Variants in B4GALNT3 observed in about 807,000 individuals in gnomAD.
B4GALNT3 encodes the protein beta-1,4-N-acetylgalactosaminyltransferase 3.
B4GALNT3 carries 86 observed loss-of-function variants against 120.2 expected under a neutral mutation model. The observed-to-expected ratio is 0.72, with a 90% CI of 0.60 to 0.86. B4GALNT3 has a LOEUF of 0.86. B4GALNT3 is among the 40% of genes least tolerant of loss of function. B4GALNT3 has a pLI of 0.00. For missense variants in B4GALNT3, 1,167 were observed against 1,298.9 expected, an observed-to-expected ratio of 0.90 and a Z score of 1.56; for synonymous variants, 518 against 510.4, an observed-to-expected ratio of 1.01 and a Z score of -0.20.
At position 460,384 on chromosome 12, in the gene B4GALNT3, G is replaced by T; in HGVS notation, c.8G>T (p.Ser3Ile). ...CCGCCTCGGCGCAGCGCCATGGGGA[G>T]CCCCCGGGCCGCGCGGCCCCCGCTG... MG[S>I]PRAARPPLLL... is the part of the protein sequence containing the mutation. The change falls in exon 1 of 20, where the codon AGC becomes ATC. Residue 3 changes from serine to isoleucine, a missense_variant. By Grantham distance (142) the Ser-to-Ile change is moderately radical (BLOSUM62 -2). Coordinates refer to ENST00000266383, the MANE Select transcript of B4GALNT3 (RefSeq NM_173593.4). The surrounding 1 kb of genome is among the most constrained non-coding windows in gnomAD (Gnocchi z 8.0). 1 of 1,447,426 alleles carries T rather than the reference G, an allele frequency of 6.9e-7. No homozygotes were observed. The highest frequency in any genetic ancestry group is 3.0e-5 in the East Asian group (1 of 33,668). The allele number at this position is 1,447,426 out of a possible 1,614,324, so 89.7% of individuals were successfully genotyped here.
At chr12:485,832 A>T (rs950915339) in intron 1 of B4GALNT3, among the ~76,000 whole-genome samples, 2 of 152,212 alleles carry the variant, frequency 1.3e-5, no homozygotes, top group Non-Finnish European at 2.9e-5. Context: ...AGAGCTGAAC[A>T]GACTGGGAAA....
intron 1 of B4GALNT3, among the ~76,000 whole-genome samples, chr12:521,889 C>A (rs1054221539): frequency 6.6e-6 from 1 of 152,080 alleles, no homozygotes; most frequent in African/African-American, 2.4e-5. Flanking sequence ...TGTGTTGGAA[C>A]TGCTGATTTC....
chr12:485,008 G>C (rs7294326), intron 1 of B4GALNT3, among the ~76,000 whole-genome samples: 5 of 151,882 alleles, frequency 3.3e-5, no homozygotes, highest in Non-Finnish European at 7.4e-5. Context: ...TTCTCGCATA[G>C]ACAAAATATA....
At chr12:530,979 GAA>G (rs1341225102) in intron 1 of B4GALNT3, among the ~76,000 whole-genome samples, 1 of 152,180 alleles carries the variant, frequency 6.6e-6, no homozygotes, top group Non-Finnish European at 1.5e-5. Context: ...TGTTGTAGCA[GAA>G]ACAGGCCCTG....
rs377130301 is a variant in B4GALNT3, at chr12:544,939, C to T, written c.505C>T (p.Arg169Cys). 2.4e-5 allele frequency: 39 copies of T among 1,613,988 alleles called. No individual in the cohort carries two copies. Among genetic ancestry groups the T allele is most frequent in the Middle Eastern group, 1.7e-4 (1 of 6,060 alleles). Residue 169 changes from arginine to cysteine, a missense_variant, in exon 5 of 20, where the codon CGC becomes TGC. This residue lies in a region of B4GALNT3 where 983 missense variants were observed against 1,102.5 expected (regional missense o/e 0.89). Coordinates refer to ENST00000266383, the MANE Select transcript of B4GALNT3 (RefSeq NM_173593.4). ...VSPKWTNYGLRIFGYLHPFTD... is the reference protein window; with the variant it reads ...VSPKWTNYGLCIFGYLHPFTD... ...CCCCAAATGGACCAACTATGGCCTC[C>T]GCATCTTTGGCTACCTGCACCCCTT...
At chr12:531,854 G>T (rs920439932) in intron 1 of B4GALNT3, among the ~76,000 whole-genome samples, 16 of 152,108 alleles carry the variant, frequency 1.1e-4, no homozygotes, top group Non-Finnish European at 1.9e-4. Flanking sequence ...CTGTGGGGCA[G>T]GTGTTTTTAT....
At chr12:461,615 A>G (rs905425802) in intron 1 of B4GALNT3, among the ~76,000 whole-genome samples, 2 of 152,104 alleles carry the variant, frequency 1.3e-5, no homozygotes, top group African/African-American at 4.8e-5. Context: ...CTTTGGGGAA[A>G]CTCGGACAGA....
intron 19 of B4GALNT3, among the ~76,000 whole-genome samples, chr12:560,779 T>G (rs1947220573): frequency 6.6e-6 from 1 of 152,170 alleles, no homozygotes; most frequent in Admixed American, 6.5e-5. Flanking sequence ...CCTCGGAGGC[T>G]CAGGCATCCA....
At position 556,801 on chromosome 12, in the gene B4GALNT3, C is replaced by T. The variant is rs781690399; in HGVS notation, c.2315C>T (p.Pro772Leu). The T allele has an allele frequency of 1.9e-6, 3 of 1,613,744 alleles. No homozygotes were observed. The African/African-American group carries it at 4.0e-5, about 22-fold the overall frequency. Reference protein sequence around the residue: ...RQVLNTRAQEPKLCWPQGFSW... With the variant: ...RQVLNTRAQELKLCWPQGFSW... ...GTCCTGAATACCCGGGCCCAAGAGCCCAAGCTGTGCTGGCCTCAGGGTTTC... is the reference window on the plus strand; with the variant it reads ...GTCCTGAATACCCGGGCCCAAGAGCTCAAGCTGTGCTGGCCTCAGGGTTTC... The change falls in exon 15 of 20, where the codon CCC becomes CTC. Residue 772 changes from proline (P) to leucine (L), a missense_variant. Transcript: ENST00000266383.
intron 1 of B4GALNT3, among the ~76,000 whole-genome samples, chr12:512,471 CCCACCTT>C (rs1490488935): frequency 8.4e-5 from 11 of 130,892 alleles, no homozygotes; most frequent in Admixed American, 3.1e-4. Context: ...CCACCTTCCG[CCCACCTT>C]CCACCTTCCG....
At chr12:504,942 G>C (rs1368763776) in intron 1 of B4GALNT3, among the ~76,000 whole-genome samples, 2 of 151,588 alleles carry the variant, frequency 1.3e-5, no homozygotes, top group African/African-American at 4.9e-5. Flanking sequence ...CCAGGATGGA[G>C]TGCAGTGGCG....
intron 3 of B4GALNT3, among the ~76,000 whole-genome samples, chr12:543,664 A>T (rs1275553834): frequency 1.7e-5 from 1 of 57,750 alleles, no homozygotes; most frequent in Non-Finnish European, 3.4e-5. Flanking sequence ...TGGGGCGGGC[A>T]TGGGGTGCTC....
intron 1 of B4GALNT3, among the ~76,000 whole-genome samples, chr12:478,527 C>G (rs1272823118): frequency 6.6e-6 from 1 of 152,040 alleles, no homozygotes; most frequent in Non-Finnish European, 1.5e-5. Flanking sequence ...AAAAACTACC[C>G]AAGGTACTTG....
rs1947103704 is a variant in B4GALNT3 at position 553,125 on chromosome 12, T to C, written c.1271-69T>C. ...GTGCGTCACACGTATGATCATCCTCTGTCTTGTATGTCTTGTTTGGAAAGG... is the reference window on the plus strand; with the variant it reads ...GTGCGTCACACGTATGATCATCCTCCGTCTTGTATGTCTTGTTTGGAAAGG... On this transcript the variant is annotated intron_variant, in intron 13 of 19. Coordinates refer to ENST00000266383, the MANE Select transcript of B4GALNT3 (RefSeq NM_173593.4). 15 of 1,567,862 alleles carry C rather than the reference T, an allele frequency of 9.6e-6. No homozygotes were observed. In the South Asian group the frequency reaches 1.8e-4, roughly 19 times the overall value.
At chr12:496,269 TA>T (rs577783776) in intron 1 of B4GALNT3, among the ~76,000 whole-genome samples, 27 of 150,164 alleles carry the variant, frequency 1.8e-4, no homozygotes, top group South Asian at 4.2e-4. Context: ...CATTTACTCT[TA>T]AAAAAAAAAT....
rs1947070779 is a variant in B4GALNT3, at chr12:550,641, G to T, written c.998-281G>T. ...GAGGGGACCTTCTGGCCTCTTAGAA[G>T]TTTCTAGACCTTATTGAGGCTATCC... On this transcript the variant is annotated intron_variant, in intron 10 of 19. Transcript: ENST00000266383. This position sits in a 1 kb window ranked among gnomAD's most constrained non-coding sequence, Gnocchi z 4.1. Among the ~76,000 whole-genome samples the T allele has an allele frequency of 6.6e-6, 1 of 152,206 alleles. No homozygotes were observed. The highest frequency in any genetic ancestry group is 1.5e-5 in the Non-Finnish European group (1 of 68,044).
rs1471524180 is a variant in B4GALNT3 at position 555,462 on chromosome 12, A to G, written c.2061-1085A>G. 4 of 426,754 alleles carry G rather than the reference A, an allele frequency of 9.4e-6. No homozygotes were observed. The East Asian group carries it at 2.9e-4, about 31-fold the overall frequency. 26.4% of individuals were successfully genotyped at this position (426,754 alleles called of 1,614,324 possible). A position where few individuals can be genotyped will look rare whatever the true frequency, so the allele number is the denominator to read the frequency against. Reference sequence around the variant, plus strand: ...CTGAGTAATATTCTATTGTGTGGATATACCACATTTTTCCATTCATCCGTT... The same window carrying G: ...CTGAGTAATATTCTATTGTGTGGATGTACCACATTTTTCCATTCATCCGTT... On this transcript the variant is annotated intron_variant, in intron 14 of 19. Transcript: ENST00000266383.
At position 547,034 on chromosome 12, in the gene B4GALNT3, C is replaced by G. The variant is rs184320764; in HGVS notation, c.707+321C>G. On this transcript the variant is annotated intron_variant, in intron 7 of 19. Coordinates refer to ENST00000266383, the MANE Select transcript of B4GALNT3 (RefSeq NM_173593.4). ...TCCACACCCACAACAGCCTGGACCCCGGACCGAGGTCCCCCTCGGTCGTCT... is the reference window on the plus strand; with the variant it reads ...TCCACACCCACAACAGCCTGGACCCGGGACCGAGGTCCCCCTCGGTCGTCT... Among the ~76,000 whole-genome samples, 319 of 152,324 alleles carry G rather than the reference C, an allele frequency of 2.1e-3. 1 individual carries two copies. The highest frequency in any genetic ancestry group is 7.5e-3 in the African/African-American group (310 of 41,572).
intron 1 of B4GALNT3, among the ~76,000 whole-genome samples, chr12:476,488 C>T (rs1946186604): frequency 6.6e-6 from 1 of 152,044 alleles, no homozygotes; most frequent in South Asian, 2.1e-4. Flanking sequence ...ACCTGTAATG[C>T]TAGTTATTAA....
Sources: gnomAD v4.1 joint callset for allele counts (sites outside exome capture counted in the v4.1 genomes callset) on GRCh38, gnomAD v4.1.1 for gene constraint, gnomAD v4.1.1 regional missense constraint, Gnocchi (gnomAD v3.1) non-coding constraint, MANE v1.5 for transcripts, NCBI Gene and HGNC (gene_info 2026-07-23, HGNC 2026-07-21) for gene names.